ARHGAP6: variants seen among roughly 807,000 people sequenced by gnomAD.
ARHGAP6 encodes the protein Rho GTPase activating protein 6.
In ARHGAP6, 16 loss-of-function variants were observed where a neutral mutation model predicts 55.7. That is an observed-to-expected ratio of 0.29 (90% CI 0.19 to 0.44). The LOEUF is 0.44. Ranked by LOEUF, ARHGAP6 falls within the 20% of genes least tolerant of loss-of-function variation. The pLI, the probability that ARHGAP6 is intolerant of heterozygous loss-of-function variation, is 1.00. For missense variants in ARHGAP6, 698 were observed against 808.9 expected (o/e 0.86, Z 1.66); for synonymous variants, 382 against 360.9 (o/e 1.06, Z -0.66).
chrX:11,597,648 T>A (rs904002326), intron 1 of ARHGAP6, among the ~76,000 whole-genome samples: 1 of 112,369 alleles, frequency 8.9e-6, no homozygotes, highest in Non-Finnish European at 1.9e-5. Context: ...TCAACATTTT[T>A]AATCAGAAAC....
chrX:11,658,466 A>T (rs2052662321), intron 1 of ARHGAP6, among the ~76,000 whole-genome samples: 1 of 111,029 alleles, frequency 9.0e-6, no homozygotes, highest in Non-Finnish European at 1.9e-5. Context: ...ACTTTTTGTC[A>T]ATTTCTTTTT....
intron 1 of ARHGAP6, among the ~76,000 whole-genome samples, chrX:11,359,733 G>A (rs2048983582): frequency 9.0e-6 from 1 of 111,191 alleles, no homozygotes; most frequent in Non-Finnish European, 1.9e-5. Context: ...TTTTCGAAAG[G>A]ATCAACAAAA....
chrX:11,635,961 A>T (rs746170034), intron 1 of ARHGAP6, among the ~76,000 whole-genome samples: 1 of 111,712 alleles, frequency 9.0e-6, no homozygotes, highest in South Asian at 3.7e-4. Flanking sequence ...TATATAAAAC[A>T]TCTTAATTTC....
chrX:11,499,725 T>C (rs1052937162), intron 1 of ARHGAP6, among the ~76,000 whole-genome samples: 4 of 112,266 alleles, frequency 3.6e-5, no homozygotes, highest in Non-Finnish European at 7.5e-5. Flanking sequence ...ATCTATTTCA[T>C]CCTTACTGCC....
chrX:11,354,295 TTCTCTCTCTCTC>T (rs1206233633), intron 1 of ARHGAP6, among the ~76,000 whole-genome samples: 3 of 41,054 alleles, frequency 7.3e-5, no homozygotes, highest in Admixed American at 3.6e-4. Flanking sequence ...CTCTCTCTCT[TTCTCTCTCTCTC>T]TCTCTCTCTC....
chrX:11,390,649 C>T (rs1404659201), intron 1 of ARHGAP6, among the ~76,000 whole-genome samples: 1 of 111,710 alleles, frequency 9.0e-6, no homozygotes, highest in Non-Finnish European at 1.9e-5. Flanking sequence ...AAAAAGTGGG[C>T]AAAGGATATG....
At chrX:11,193,510 G>A (rs1427219044) in intron 3 of ARHGAP6, among the ~76,000 whole-genome samples, 1 of 112,842 alleles carries the variant, frequency 8.9e-6, no homozygotes, top group Non-Finnish European at 1.9e-5. Flanking sequence ...CTGAAAAGAT[G>A]CCATGTAATT....
chrX:11,429,671 G>A (rs761739339), intron 1 of ARHGAP6, among the ~76,000 whole-genome samples: 6 of 111,881 alleles, frequency 5.4e-5, no homozygotes, highest in Non-Finnish European at 1.1e-4. Context: ...CTGCTTTGTA[G>A]GAGAAATGAG....
intron 1 of ARHGAP6, among the ~76,000 whole-genome samples, chrX:11,579,885 A>G (rs1351127743): frequency 8.9e-6 from 1 of 112,087 alleles, no homozygotes; most frequent in African/African-American, 3.2e-5. Context: ...ATCTCCCCCA[A>G]GGAAGGGCAG....
At chrX:11,191,007 C>T (rs2046451498) in intron 3 of ARHGAP6, among the ~76,000 whole-genome samples, 1 of 112,846 alleles carries the variant, frequency 8.9e-6, no homozygotes, top group Non-Finnish European at 1.9e-5. Flanking sequence ...GGTTCCCATG[C>T]TTTCCCACCT....
At chrX:11,160,561 A>G (rs1053429668) in intron 9 of ARHGAP6, among the ~76,000 whole-genome samples, 3 of 111,956 alleles carry the variant, frequency 2.7e-5, no homozygotes, top group Non-Finnish European at 5.6e-5. Flanking sequence ...AAGCATGACA[A>G]TATTAATTCT....
At chrX:11,286,201 G>A (rs1020630396) in intron 1 of ARHGAP6, among the ~76,000 whole-genome samples, 4 of 111,804 alleles carry the variant, frequency 3.6e-5, no homozygotes, top group African/African-American at 1.3e-4. Context: ...CTTTTAAAAT[G>A]TCTTTTTATT....
At chrX:11,226,584 TC>T (rs1395987771) in intron 2 of ARHGAP6, among the ~76,000 whole-genome samples, 1 of 112,058 alleles carries the variant, frequency 8.9e-6, no homozygotes, top group African/African-American at 3.2e-5. Flanking sequence ...GAAATATAAA[TC>T]TTGTGTATAA....
intron 2 of ARHGAP6, among the ~76,000 whole-genome samples, chrX:11,250,414 A>G (rs1402219124): frequency 8.9e-6 from 1 of 111,858 alleles, no homozygotes; most frequent in African/African-American, 3.3e-5. Context: ...TAGTGCTGCT[A>G]TAACTAATGA....
chrX:11,259,654 C>G (rs1455434432), intron 1 of ARHGAP6, among the ~76,000 whole-genome samples: 1 of 111,838 alleles, frequency 8.9e-6, no homozygotes, highest in East Asian at 2.8e-4. Context: ...ACCCTGCTTT[C>G]TTTTATTAAA....
intron 1 of ARHGAP6, among the ~76,000 whole-genome samples, chrX:11,555,789 G>T (rs758427785): frequency 9.0e-6 from 1 of 111,072 alleles, no homozygotes; most frequent in Admixed American, 9.6e-5. Flanking sequence ...ATATTTGGGG[G>T]AAAGCATTCC....
At chrX:11,643,943 C>G (rs1173428133) in intron 1 of ARHGAP6, among the ~76,000 whole-genome samples, 1 of 110,692 alleles carries the variant, frequency 9.0e-6, no homozygotes, top group Non-Finnish European at 1.9e-5. Context: ...CAGTAGAGAT[C>G]CGCCACACTC....
intron 1 of ARHGAP6, among the ~76,000 whole-genome samples, chrX:11,306,287 A>G (rs2048237775): frequency 8.9e-6 from 1 of 112,374 alleles, no homozygotes; most frequent in South Asian, 3.7e-4. Flanking sequence ...TATGTTGACC[A>G]TGCCTCTATT....
At chrX:11,517,922 C>A (rs751809254) in intron 1 of ARHGAP6, among the ~76,000 whole-genome samples, 1 of 110,034 alleles carries the variant, frequency 9.1e-6, no homozygotes, top group South Asian at 4.0e-4. Context: ...CACCATGGCA[C>A]ACGTTTACCT....
Sources: allele counts gnomAD v4.1 joint callset (sites outside exome capture counted in the v4.1 genomes callset), GRCh38; gene constraint gnomAD v4.1.1; transcripts MANE v1.5; gene names NCBI Gene and HGNC (gene_info 2026-07-23, HGNC 2026-07-21).